The following MACROD2 variants were observed in gnomAD, a reference collection of about 807,000 sequenced individuals.
The protein encoded by MACROD2 is mono-ADP ribosylhydrolase 2.
MACROD2 carries 36 observed loss-of-function variants against 70.4 expected under a neutral mutation model. The observed-to-expected ratio is 0.51, with a 90% CI of 0.39 to 0.68. The LOEUF (loss-of-function observed/expected upper bound fraction) is 0.68, where lower values mean the gene tolerates loss of function less well. Ranked by LOEUF, MACROD2 falls within the 30% of genes least tolerant of loss-of-function variation. The pLI, the probability that MACROD2 is intolerant of heterozygous loss-of-function variation, is 0.00. For missense variants in MACROD2, 496 were observed against 538.4 expected (o/e 0.92, Z 0.78); for synonymous variants, 172 against 178.8 (o/e 0.96, Z 0.30).
At chr20:15,045,802 G>C (rs931412269) in intron 5 of MACROD2, among the ~76,000 whole-genome samples, 4 of 128,988 alleles carry the variant, frequency 3.1e-5, no homozygotes, top group African/African-American at 1.1e-4. Context: ...TATGAAAAAT[G>C]GCCTTGTTAT....
At chr20:15,045,844 T>G (rs1237947609) in intron 5 of MACROD2, among the ~76,000 whole-genome samples, 1 of 151,814 alleles carries the variant, frequency 6.6e-6, no homozygotes, top group African/African-American at 2.4e-5. Flanking sequence ...TTGAAGTGCT[T>G]TTTGAAAAAT....
chr20:14,380,667 T>A (rs2083412257), intron 3 of MACROD2, among the ~76,000 whole-genome samples: 1 of 152,134 alleles, frequency 6.6e-6, no homozygotes, highest in Non-Finnish European at 1.5e-5. Context: ...GATTATTCTT[T>A]CTCTATTGAC....
At chr20:15,411,759 G>T (rs6043263) in intron 6 of MACROD2, among the ~76,000 whole-genome samples, 5,394 of 152,300 alleles carry the variant, frequency 0.035, 288 homozygotes, top group African/African-American at 0.12. Context: ...GGAAGCATCA[G>T]TGTTTTCTTG....
chr20:14,746,487 A>T (rs1293760419), intron 5 of MACROD2, among the ~76,000 whole-genome samples: 1 of 152,144 alleles, frequency 6.6e-6, no homozygotes, highest in Admixed American at 6.5e-5. Context: ...TTTTGTGATC[A>T]TGATGTTTGT....
intron 4 of MACROD2, among the ~76,000 whole-genome samples, chr20:14,585,128 G>C (rs1600417284): frequency 6.6e-6 from 1 of 152,136 alleles, no homozygotes; most frequent in African/African-American, 2.4e-5. Flanking sequence ...TTGTGGCTGG[G>C]GTAAGGGAAC....
chr20:15,442,231 A>G (rs547270277), intron 7 of MACROD2, among the ~76,000 whole-genome samples: 24 of 152,314 alleles, frequency 1.6e-4, no homozygotes, highest in African/African-American at 5.8e-4. Flanking sequence ...TTTATGTCAA[A>G]TCCTTTTTGG....
chr20:15,661,895 C>A (rs1368079925), intron 8 of MACROD2, among the ~76,000 whole-genome samples: 3 of 152,120 alleles, frequency 2.0e-5, no homozygotes, highest in African/African-American at 7.2e-5. Flanking sequence ...AACTCATGAG[C>A]CATTGTTATG....
chr20:14,219,806 G>C (rs1173934934), intron 3 of MACROD2, among the ~76,000 whole-genome samples: 1 of 152,156 alleles, frequency 6.6e-6, no homozygotes, highest in Non-Finnish European at 1.5e-5. Flanking sequence ...TTCTGGGTCT[G>C]GCCACCCAGA....
chr20:14,549,685 A>G (rs1030147842), intron 4 of MACROD2, among the ~76,000 whole-genome samples: 3 of 152,006 alleles, frequency 2.0e-5, no homozygotes, highest in Admixed American at 1.3e-4. Flanking sequence ...TCATTGATTC[A>G]CTCAGCATTT....
chr20:14,210,620 T>C (rs1294999055), intron 3 of MACROD2, among the ~76,000 whole-genome samples: 1 of 152,220 alleles, frequency 6.6e-6, no homozygotes, highest in African/African-American at 2.4e-5. Context: ...AATTACTATG[T>C]TGCAAAGTTG....
At chr20:15,637,713 A>G (rs1025152726) in intron 8 of MACROD2, among the ~76,000 whole-genome samples, 1 of 152,204 alleles carries the variant, frequency 6.6e-6, no homozygotes, top group African/African-American at 2.4e-5. Flanking sequence ...CGATCTTTAC[A>G]TGGATAATGA....
intron 11 of MACROD2, among the ~76,000 whole-genome samples, chr20:15,933,663 C>T (rs2065613753): frequency 2.0e-5 from 3 of 152,116 alleles, no homozygotes; most frequent in Admixed American, 2.0e-4. Flanking sequence ...CAAATTAGTA[C>T]ATTTAGCTTG....
chr20:15,235,358 G>T lies in MACROD2; in HGVS notation c.540+5297G>T, dbSNP rs572194899. 3.3e-5 allele frequency among the ~76,000 whole-genome samples: 5 copies of T among 152,298 alleles called. No individual in the cohort carries two copies. The East Asian group carries it at 7.7e-4, about 24-fold the overall frequency. ...TGTGATTTCCACAAGCATCATGCTA[G>T]ATGATTTTTTTGAATGAAAAAACAT... On this transcript the variant is annotated intron_variant, in intron 6 of 17. Transcript: ENST00000684519.
At position 14,548,532 on chromosome 20, in the gene MACROD2, A is replaced by C. The variant is rs1228275045; in HGVS notation, c.301+55024A>C. ...AGGAGATCGAGACCATCCCGGCTAAAACGGTGAAACCCCGTCTCTACTAAA... is the reference window on the plus strand; with the variant it reads ...AGGAGATCGAGACCATCCCGGCTAACACGGTGAAACCCCGTCTCTACTAAA... On this transcript the variant is annotated intron_variant, in intron 4 of 17. Transcript: ENST00000684519. Among the ~76,000 whole-genome samples the C allele has an allele frequency of 1.0e-4, 2 of 20,082 alleles. 1 individual carries two copies. Among genetic ancestry groups the C allele is most frequent in the Admixed American group, 1.7e-3 (2 of 1,194 alleles). 13.2% of individuals were successfully genotyped at this position (20,082 alleles called of 152,430 possible). A position where few individuals can be genotyped will look rare whatever the true frequency, so the allele number is the denominator to read the frequency against.
intron 3 of MACROD2, among the ~76,000 whole-genome samples, chr20:14,159,071 T>A (rs1362264579): frequency 6.6e-6 from 1 of 152,096 alleles, no homozygotes; most frequent in Non-Finnish European, 1.5e-5. Context: ...ACTCCATCTC[T>A]ACTAAAAATA....
Position 14,558,434 on chromosome 20 carries a change from G to A in MACROD2, c.301+64926G>A, listed in dbSNP as rs1000910371. On this transcript the variant is annotated intron_variant, in intron 4 of 17. Coordinates refer to ENST00000684519, the MANE Select transcript of MACROD2 (RefSeq NM_001351661.2). The stretch of plus-strand genomic sequence containing the variant: ...GATAAAAAACATGACCCAACCATAT[G>A]CTGTCTATAAAAAATTTGCTTCAAA... 3.3e-5 allele frequency among the ~76,000 whole-genome samples: 5 copies of A among 151,682 alleles called. No homozygotes were observed. In the South Asian group the frequency reaches 8.3e-4, roughly 25 times the overall value.
chr20:14,221,114 CT>C (rs1442773181), intron 3 of MACROD2, among the ~76,000 whole-genome samples: 3 of 152,146 alleles, frequency 2.0e-5, no homozygotes, highest in Non-Finnish European at 2.9e-5. Flanking sequence ...AACATTATTG[CT>C]TTAGGATATA....
chr20:15,248,906 A>T (rs1295348139), intron 6 of MACROD2, among the ~76,000 whole-genome samples: 1 of 152,198 alleles, frequency 6.6e-6, no homozygotes, highest in African/African-American at 2.4e-5. Context: ...TGAGACAAGT[A>T]CTTGGTTACA....
At chr20:15,616,310 G>A (rs1008097361) in intron 8 of MACROD2, among the ~76,000 whole-genome samples, 2 of 151,882 alleles carry the variant, frequency 1.3e-5, no homozygotes, top group Non-Finnish European at 2.9e-5. Flanking sequence ...TGCCATGTTG[G>A]CCAGGCTGGT....
Sources: gnomAD v4.1 joint callset for allele counts (sites outside exome capture counted in the v4.1 genomes callset) on GRCh38, gnomAD v4.1.1 for gene constraint, MANE v1.5 for transcripts, NCBI Gene and HGNC (gene_info 2026-07-23, HGNC 2026-07-21) for gene names.